Variants in GLDC observed in about 807,000 individuals in gnomAD.
The protein encoded by GLDC is glycine decarboxylase.
A neutral mutation model predicts 121.3 loss-of-function variants in GLDC; 104 were observed. That is an observed-to-expected ratio of 0.86 (90% CI 0.73 to 1.01). The LOEUF (loss-of-function observed/expected upper bound fraction) is 1.01. Ranked by LOEUF, GLDC falls within the 50% of genes least tolerant of loss-of-function variation. The pLI is 0.00. For synonymous variants in GLDC, 546 were observed against 480.6 expected (o/e 1.14, Z -1.78); for missense variants, 1,429 against 1,306.6 (o/e 1.09, Z -1.44).
At chr9:6,597,623 T>A (rs1023249125) in intron 8 of GLDC, among the ~76,000 whole-genome samples, 12 of 152,074 alleles carry the variant, frequency 7.9e-5, no homozygotes, top group Non-Finnish European at 1.2e-4. Context: ...AGCTGCTCAT[T>A]GTGGTAGAAG....
At chr9:6,644,050 A>AAAAAAAAAAAAAAAAAAAAAAC (rs55988287) in intron 2 of GLDC, among the ~76,000 whole-genome samples, 2 of 92,702 alleles carry the variant, frequency 2.2e-5, no homozygotes, top group Non-Finnish European at 4.0e-5. Flanking sequence ...AAAAAAAAAA[A>AAAAAAAAAAAAAAAAAAAAAAC]CGAAAAAAAA....
At chr9:6,549,716 T>C (rs1817469633) in intron 21 of GLDC, among the ~76,000 whole-genome samples, 1 of 151,950 alleles carries the variant, frequency 6.6e-6, no homozygotes, top group Non-Finnish European at 1.5e-5. Context: ...CCCTGCCTAT[T>C]ATTCCCTCTA....
chr9:6,570,660 C>A (rs1308934877), intron 15 of GLDC, among the ~76,000 whole-genome samples: 2 of 152,202 alleles, frequency 1.3e-5, no homozygotes, highest in African/African-American at 2.4e-5. Context: ...TCGAGACCAA[C>A]CTGGCCAACA....
chr9:6,554,598 A>C (rs901463355), intron 19 of GLDC, 71 bp downstream of exon 19: 6 of 1,006,170 alleles, frequency 6.0e-6, no homozygotes, highest in Non-Finnish European at 7.8e-6. Context: ...TGATGGGATG[A>C]GTAGTCTATT....
chr9:6,616,438 T>G (rs958681775), intron 3 of GLDC, among the ~76,000 whole-genome samples: 25 of 152,218 alleles, frequency 1.6e-4, no homozygotes, highest in Admixed American at 1.6e-3. Context: ...GTAAACTTCT[T>G]GTATTAGTCT....
intron 2 of GLDC, chr9:6,623,009 G>GCCA (rs1819147217): frequency 1.3e-5 from 2 of 149,532 alleles, no homozygotes; most frequent in African/African-American, 9.0e-5. Flanking sequence ...GTCAGCCCCT[G>GCCA]CCCGGCCAGC....
In GLDC at chr9:6,589,275, G is replaced by C; in HGVS notation, c.1500C>G (p.Ser500Arg). The change falls in exon 12 of 25, where the codon AGC becomes AGG. Residue 500 changes from serine to arginine, a missense_variant. Physicochemically the swap from Ser to Arg is moderately radical, Grantham distance 110. Coordinates refer to ENST00000321612, the MANE Select transcript of GLDC (RefSeq NM_000170.3). ...CESSAELVAE[S>R]MGEECRGIPG... ...GAATACCTCTGCACTCCTCTCCCATGCTTTCAGCAACCAGTTCCTGAAGGA... is the reference window on the plus strand; with the variant it reads ...GAATACCTCTGCACTCCTCTCCCATCCTTTCAGCAACCAGTTCCTGAAGGA... The C allele has an allele frequency of 6.2e-7, 1 of 1,606,620 alleles. No individual in the cohort carries two copies.
intron 2 of GLDC, chr9:6,639,668 A>AAAAAAT: frequency 4.0e-5 from 10 of 250,560 alleles, no homozygotes; most frequent in Non-Finnish European, 5.1e-5. Context: ...ATAAAAAAAA[A>AAAAAAT]GTATATATAT....
At chr9:6,643,534 AT>A in intron 2 of GLDC, among the ~76,000 whole-genome samples, 1 of 150,732 alleles carries the variant, frequency 6.6e-6, no homozygotes, top group South Asian at 2.1e-4. Flanking sequence ...ACCAGATGAG[AT>A]TTTTTTTAAG....
At chr9:6,554,018 G>T (rs1056966169) in intron 19 of GLDC, among the ~76,000 whole-genome samples, 1 of 151,976 alleles carries the variant, frequency 6.6e-6, no homozygotes, top group Non-Finnish European at 1.5e-5. Context: ...GAAGAAAAAA[G>T]TAAGAAGGCC....
intron 15 of GLDC, among the ~76,000 whole-genome samples, chr9:6,582,344 C>A (rs558955640): frequency 1.8e-3 from 270 of 150,228 alleles, no homozygotes; most frequent in African/African-American, 6.4e-3. Flanking sequence ...CACGGCGAAA[C>A]CCTGTCTCTA....
chr9:6,608,584 C>CAA (rs543094309), intron 4 of GLDC, among the ~76,000 whole-genome samples: 40 of 133,170 alleles, frequency 3.0e-4, no homozygotes, highest in Middle Eastern at 4.1e-3. Flanking sequence ...ACTAAAAATA[C>CAA]AAAAAAAAAA....
intron 22 of GLDC, among the ~76,000 whole-genome samples, chr9:6,539,244 G>A (rs1236776319): frequency 3.3e-5 from 5 of 152,182 alleles, no homozygotes; most frequent in South Asian, 2.1e-4. Flanking sequence ...TTCGGAGGCC[G>A]AGGTGGGTGG....
At chr9:6,595,618 C>T (rs905009232) in intron 8 of GLDC, among the ~76,000 whole-genome samples, 1 of 152,220 alleles carries the variant, frequency 6.6e-6, no homozygotes, top group Non-Finnish European at 1.5e-5. Context: ...GGCTGAACTT[C>T]TGCCAACCAA....
intron 21 of GLDC, among the ~76,000 whole-genome samples, chr9:6,544,139 C>G (rs2129680260): frequency 6.6e-6 from 1 of 152,334 alleles, no homozygotes; most frequent in South Asian, 2.1e-4. Flanking sequence ...GCTGGGCAAT[C>G]AATGCTTGGT....
At chr9:6,581,058 C>T (rs1237670259) in intron 15 of GLDC, among the ~76,000 whole-genome samples, 1 of 152,190 alleles carries the variant, frequency 6.6e-6, no homozygotes, top group Admixed American at 6.5e-5. Flanking sequence ...CTCTGCCAGG[C>T]ACGTTCTTGG....
chr9:6,619,757 G>C (rs909184806), intron 3 of GLDC, among the ~76,000 whole-genome samples: 2 of 152,110 alleles, frequency 1.3e-5, no homozygotes, highest in African/African-American at 4.8e-5. Context: ...AATCCTGAGA[G>C]AAGACAGTGG....
chr9:6,590,153 T>C (rs1319734820), intron 11 of GLDC, among the ~76,000 whole-genome samples: 1 of 151,966 alleles, frequency 6.6e-6, no homozygotes, highest in African/African-American at 2.4e-5. Context: ...TAAACATATA[T>C]AAAAATTAGA....
intron 15 of GLDC, among the ~76,000 whole-genome samples, chr9:6,579,069 T>C (rs1426528213): frequency 1.3e-5 from 2 of 152,222 alleles, no homozygotes; most frequent in East Asian, 3.8e-4. Context: ...GGGTAGCATA[T>C]ACTATTCCTT....
Sources: gnomAD v4.1 joint callset for allele counts (sites outside exome capture counted in the v4.1 genomes callset) on GRCh38, gnomAD v4.1.1 for gene constraint, MANE v1.5 for transcripts, NCBI Gene and HGNC (gene_info 2026-07-23, HGNC 2026-07-21) for gene names.